The following ARHGAP6 variants were observed in gnomAD, a reference collection of about 807,000 sequenced individuals.
ARHGAP6 encodes the protein rho GTPase-activating protein 6.
In ARHGAP6, 16 loss-of-function variants were observed where a neutral mutation model predicts 55.7. The observed-to-expected ratio is 0.29, with a 90% confidence interval of 0.19 to 0.44. The LOEUF (loss-of-function observed/expected upper bound fraction) is 0.44, where lower values mean the gene tolerates loss of function less well. ARHGAP6 is among the 20% of genes least tolerant of loss of function. The pLI, the probability that ARHGAP6 is intolerant of heterozygous loss-of-function variation, is 1.00. For missense variants in ARHGAP6, 698 were observed against 808.9 expected (o/e 0.86, Z 1.66); for synonymous variants, 382 against 360.9 (o/e 1.06, Z -0.66).
chrX:11,163,555 TA>T (rs2045978056), intron 9 of ARHGAP6, among the ~76,000 whole-genome samples: 1 of 112,336 alleles, frequency 8.9e-6, no homozygotes, highest in African/African-American at 3.2e-5. Context: ...CCAGCAAAAG[TA>T]AATAGCACTG....
intron 2 of ARHGAP6, among the ~76,000 whole-genome samples, chrX:11,232,378 T>C (rs765171790): frequency 5.1e-4 from 57 of 111,270 alleles, no homozygotes; most frequent in African/African-American, 1.7e-3. Context: ...CCCAGCACTT[T>C]GGGAGGCTGA....
At chrX:11,210,133 A>C (rs760833395) in intron 2 of ARHGAP6, among the ~76,000 whole-genome samples, 40 of 112,678 alleles carry the variant, frequency 3.5e-4, no homozygotes, top group African/African-American at 1.3e-3. Flanking sequence ...GTATTTTCAT[A>C]GAGGCATTTG....
intron 1 of ARHGAP6, among the ~76,000 whole-genome samples, chrX:11,265,427 C>G (rs1487086923): frequency 8.9e-6 from 1 of 111,962 alleles, no homozygotes; most frequent in Non-Finnish European, 1.9e-5. Flanking sequence ...GAAATTAGCT[C>G]AATTATGCTG....
rs1491098701 is a variant in ARHGAP6 at position 11,174,572 on chromosome X, TCC to T, written c.1629+3526_1629+3527del. Among the ~76,000 whole-genome samples the T allele has an allele frequency of 8.7e-3, 538 of 61,695 alleles. 3 individuals carry two copies. Among genetic ancestry groups the T allele is most frequent in the African/African-American group, 0.018 (252 of 13,881 alleles). 53.6% of individuals were successfully genotyped at this position (61,695 alleles called of 115,157 possible). A position where few individuals can be genotyped will look rare whatever the true frequency, so the allele number is the denominator to read the frequency against. On this transcript the variant is annotated intron_variant, in intron 8 of 12. Coordinates refer to ENST00000337414, the MANE Select transcript of ARHGAP6 (RefSeq NM_013427.3). ...TTCCTTCCTTCCTTCCTTCCTTCCT[TCC>T]TTTCTTTCTTTCTTTCTTTTTCTTT...
chrX:11,503,738 G>C (rs1336072390), intron 1 of ARHGAP6, among the ~76,000 whole-genome samples: 1 of 111,176 alleles, frequency 9.0e-6, no homozygotes, highest in Non-Finnish European at 1.9e-5. Context: ...TACCCAGAAT[G>C]TATTAGTTCT....
In ARHGAP6 at chrX:11,266,991, A is replaced by G. The variant is rs1013510570; in HGVS notation, c.589-12284T>C. Among the ~76,000 whole-genome samples, 4 of 111,452 alleles carry G rather than the reference A, an allele frequency of 3.6e-5. No homozygotes were observed. In the East Asian group the frequency reaches 1.1e-3, roughly 31 times the overall value. The stretch of plus-strand genomic sequence containing the variant: ...TGGTTTTCTTTACTAGAATGATTAA[A>G]CTTAAACAGAGATTCAGAGTAAAAT... On this transcript the variant is annotated intron_variant, in intron 1 of 12. Transcript: ENST00000337414.
At chrX:11,565,090 T>C (rs1006018598) in intron 1 of ARHGAP6, among the ~76,000 whole-genome samples, 4 of 112,322 alleles carry the variant, frequency 3.6e-5, no homozygotes, top group African/African-American at 9.7e-5. Flanking sequence ...CTATGTATAG[T>C]AAGGATACGG....
chrX:11,474,857 T>A (rs1294914071), intron 1 of ARHGAP6, among the ~76,000 whole-genome samples: 1 of 110,817 alleles, frequency 9.0e-6, no homozygotes, highest in African/African-American at 3.3e-5. Flanking sequence ...AGGGAATGAA[T>A]TATTTTTCCC....
At chrX:11,474,571 A>AC (rs2050384225) in intron 1 of ARHGAP6, among the ~76,000 whole-genome samples, 1 of 112,239 alleles carries the variant, frequency 8.9e-6, no homozygotes, top group African/African-American at 3.2e-5. Context: ...ATATGCAATC[A>AC]AAGGGACAAA....
intron 12 of ARHGAP6, 84 bp downstream of exon 12, chrX:11,142,149 A>T (rs1453365613): frequency 1.6e-6 from 1 of 625,256 alleles, no homozygotes; most frequent in African/African-American, 2.3e-5. Flanking sequence ...ATGTTTGACA[A>T]GCATGTAATA....
chrX:11,216,021 T>A (rs112620613), intron 2 of ARHGAP6, among the ~76,000 whole-genome samples: 2,849 of 111,451 alleles, frequency 0.026, 36 homozygotes, highest in Middle Eastern at 0.074. Context: ...TGACACGTAG[T>A]GCCTTGTTTA....
chrX:11,414,207 T>C (rs775547388), intron 1 of ARHGAP6, among the ~76,000 whole-genome samples: 1 of 112,448 alleles, frequency 8.9e-6, no homozygotes, highest in South Asian at 3.7e-4. Context: ...TTGCAAGCCA[T>C]GCAGTTCATT....
intron 1 of ARHGAP6, among the ~76,000 whole-genome samples, chrX:11,345,996 C>A (rs917964200): frequency 5.5e-5 from 6 of 109,135 alleles, no homozygotes; most frequent in African/African-American, 2.0e-4. Flanking sequence ...ATGAGGGTTT[C>A]TCTATGCTGC....
chrX:11,617,600 A>G (rs1049385382), intron 1 of ARHGAP6, among the ~76,000 whole-genome samples: 1 of 111,748 alleles, frequency 8.9e-6, no homozygotes, highest in African/African-American at 3.3e-5. Flanking sequence ...GGTAGGCTCA[A>G]TATAATTGTC....
chrX:11,157,446 G>A (rs1256527819), intron 9 of ARHGAP6, among the ~76,000 whole-genome samples: 1 of 111,784 alleles, frequency 8.9e-6, no homozygotes, highest in Admixed American at 9.5e-5. Flanking sequence ...CTATAGATGA[G>A]CATCATATAT....
chrX:11,182,179 C>A, intron 5 of ARHGAP6, 61 bp from the exon 6 acceptor site: 2 of 1,010,482 alleles, frequency 2.0e-6, no homozygotes, highest in East Asian at 3.1e-5. Context: ...TGGAGGAAAT[C>A]AAAATACAGA....
At chrX:11,616,780 G>A (rs763268303) in intron 1 of ARHGAP6, among the ~76,000 whole-genome samples, 2 of 111,651 alleles carry the variant, frequency 1.8e-5, no homozygotes. Context: ...AGACTTTTTT[G>A]GTTGTCACAA....
At chrX:11,173,965 A>AAC (rs1272056089) in intron 8 of ARHGAP6, among the ~76,000 whole-genome samples, 1 of 111,359 alleles carries the variant, frequency 9.0e-6, no homozygotes, top group Non-Finnish European at 1.9e-5. Context: ...CCCCCCAAAC[A>AAC]ACACCCTAAC....
At chrX:11,500,051 G>A (rs1963942509) in intron 1 of ARHGAP6, among the ~76,000 whole-genome samples, 1 of 112,194 alleles carries the variant, frequency 8.9e-6, no homozygotes, top group South Asian at 3.7e-4. Flanking sequence ...TCTTTAGGAG[G>A]ATATCTGAAG....
Sources: allele counts gnomAD v4.1 joint callset (sites outside exome capture counted in the v4.1 genomes callset), GRCh38; gene constraint gnomAD v4.1.1; transcripts MANE v1.5; gene names NCBI Gene and HGNC (gene_info 2026-07-23, HGNC 2026-07-21).